The following BLTP3B variants were observed in gnomAD, a reference collection of about 807,000 sequenced individuals.
The protein encoded by BLTP3B is bridge-like lipid transfer protein family member 3B, also known as UHRF1 (ICBP90) binding protein 1-like.
At chr12:100,097,291 T>C in the BLTP3B span, 2 of 1,462,294 alleles carry the variant, frequency 1.4e-6, no homozygotes, top group Non-Finnish European at 1.8e-6. Context: ...AGTTAACTAA[T>C]AGTTAACACA....
the BLTP3B span, chr12:100,108,657 T>C: frequency 1.2e-6 from 1 of 858,724 alleles, no homozygotes; most frequent in Non-Finnish European, 1.7e-6. Context: ...GGACACAACA[T>C]AATGTCCATC....
At chr12:100,048,433 C>A in the BLTP3B span, among the ~76,000 whole-genome samples, 5 of 151,934 alleles carry the variant, frequency 3.3e-5, no homozygotes, top group Non-Finnish European at 4.4e-5. Context: ...AAGAAAAACA[C>A]ATTATGATAG....
At chr12:100,140,704 C>CAAAAAAAAAAAAA in the BLTP3B span, among the ~76,000 whole-genome samples, 2 of 33,778 alleles carry the variant, frequency 5.9e-5, no homozygotes, top group Non-Finnish European at 9.1e-5. Context: ...GACTCTGTCT[C>CAAAAAAAAAAAAA]AAAAAAAAAA....
the BLTP3B span, chr12:100,058,090 G>C: frequency 6.2e-7 from 1 of 1,608,772 alleles, no homozygotes; most frequent in African/African-American, 1.3e-5. Context: ...CTGATATCCA[G>C]GTTTTCAGAG....
the BLTP3B span, chr12:100,048,040 G>A: frequency 6.2e-7 from 1 of 1,611,640 alleles, no homozygotes; most frequent in Non-Finnish European, 8.5e-7. Flanking sequence ...CATAAGAGAA[G>A]ATGTAAGAAA....
the BLTP3B span, among the ~76,000 whole-genome samples, chr12:100,110,511 T>C: frequency 5.3e-5 from 8 of 152,102 alleles, no homozygotes; most frequent in African/African-American, 1.7e-4. Context: ...TAAGTATTTA[T>C]TGAGAATTCA....
the BLTP3B span, among the ~76,000 whole-genome samples, chr12:100,115,205 A>G: frequency 1.8e-3 from 271 of 152,196 alleles, no homozygotes; most frequent in Non-Finnish European, 2.8e-3. Flanking sequence ...CAGCAATTCG[A>G]GACCAGCCTG....
At chr12:100,101,540 G>GCAA in the BLTP3B span, among the ~76,000 whole-genome samples, 1 of 152,174 alleles carries the variant, frequency 6.6e-6, no homozygotes, top group Non-Finnish European at 1.5e-5. Flanking sequence ...TAATGTGAAC[G>GCAA]CAAAAATAAT....
the BLTP3B span, among the ~76,000 whole-genome samples, chr12:100,100,634 C>T: frequency 2.7e-3 from 416 of 151,574 alleles, 1 homozygote; most frequent in African/African-American, 9.7e-3. Flanking sequence ...ATCGATTGAG[C>T]CTGGGAGGTC....
the BLTP3B span, among the ~76,000 whole-genome samples, chr12:100,073,922 C>T: frequency 9.9e-5 from 15 of 152,204 alleles, no homozygotes; most frequent in South Asian, 2.9e-3. Context: ...CGTTCTGAAG[C>T]GGCAAAAGCT....
chr12:100,104,376 G>T, the BLTP3B span, among the ~76,000 whole-genome samples: 1 of 151,458 alleles, frequency 6.6e-6, no homozygotes, highest in Non-Finnish European at 1.5e-5. Flanking sequence ...GCTAATTTTT[G>T]TATTTTTAGT....
the BLTP3B span, among the ~76,000 whole-genome samples, chr12:100,078,201 TAA>T: frequency 0.079 from 12,076 of 152,088 alleles, 624 homozygotes; most frequent in African/African-American, 0.13. Context: ...TGAGTTCTCA[TAA>T]AGTCTGGTTG....
chr12:100,131,322 AAATT>A, the BLTP3B span, among the ~76,000 whole-genome samples: 1 of 151,252 alleles, frequency 6.6e-6, no homozygotes, highest in African/African-American at 2.4e-5. Flanking sequence ...AAAAAAAAAA[AAATT>A]AATTAATTTA....
the BLTP3B span, among the ~76,000 whole-genome samples, chr12:100,116,296 A>T: frequency 1.3e-5 from 2 of 151,888 alleles, no homozygotes; most frequent in Non-Finnish European, 2.9e-5. Flanking sequence ...CTGTACAAAA[A>T]ATTAAAAGTT....
the BLTP3B span, chr12:100,128,617 G>A: frequency 7.8e-7 from 1 of 1,284,082 alleles, no homozygotes; most frequent in Non-Finnish European, 1.0e-6. Flanking sequence ...CCCTATTCCT[G>A]GTGAAAGCAA....
chr12:100,120,524 C>T, the BLTP3B span, among the ~76,000 whole-genome samples: 1 of 152,126 alleles, frequency 6.6e-6, no homozygotes, highest in Admixed American at 6.5e-5. Flanking sequence ...CAGTAAGATA[C>T]CACTACTTAT....
chr12:100,115,539 C>G, the BLTP3B span, among the ~76,000 whole-genome samples: 2 of 152,144 alleles, frequency 1.3e-5, no homozygotes, highest in East Asian at 3.9e-4. Flanking sequence ...GAGGCCAAAG[C>G]CAGGTGGATC....
At chr12:100,060,399 C>T in the BLTP3B span, among the ~76,000 whole-genome samples, 52,560 of 151,992 alleles carry the variant, frequency 0.35, 11,805 homozygotes, top group African/African-American at 0.64. Flanking sequence ...AGAAGCAAAC[C>T]TCTAAAAACA....
chr12:100,140,584 A>C, the BLTP3B span, among the ~76,000 whole-genome samples: 75 of 150,790 alleles, frequency 5.0e-4, no homozygotes, highest in African/African-American at 1.8e-3. Flanking sequence ...GCATGCCTGT[A>C]ATCCCAGCTA....
Sources: gnomAD v4.1 joint callset for allele counts (sites outside exome capture counted in the v4.1 genomes callset) on GRCh38, gnomAD v4.1.1 for gene constraint, MANE v1.5 for transcripts, NCBI Gene and HGNC (gene_info 2026-07-23, HGNC 2026-07-21) for gene names.